The following BARX2 variants were observed in gnomAD, a reference collection of about 807,000 sequenced individuals.
The protein encoded by BARX2 is homeobox protein BarH-like 2.
Under a neutral mutation model 25.5 loss-of-function variants are expected in BARX2, and 11 were observed. The ratio of observed to expected loss-of-function variants is 0.43; its 90% CI spans 0.27 to 0.71. The LOEUF (loss-of-function observed/expected upper bound fraction) is 0.71, where lower values mean the gene tolerates loss of function less well. Among genes scored for constraint, BARX2 ranks in the 30% least tolerant of loss-of-function variants. The probability of loss-of-function intolerance (pLI) is 0.19; values close to 1 mark genes in which losing one functional copy is unlikely to be tolerated. For synonymous variants in BARX2, 137 were observed against 149.5 expected, an observed-to-expected ratio of 0.92 and a Z score of 0.61; for missense variants, 360 against 359.9, an observed-to-expected ratio of 1.00 and a Z score of 0.00.
chr11:129,430,199 T>G (rs1862113587), intron 1 of BARX2, among the ~76,000 whole-genome samples: 1 of 152,186 alleles, frequency 6.6e-6, no homozygotes, highest in Admixed American at 6.6e-5. Flanking sequence ...CTTCATTTCT[T>G]TGGGAATTTA....
chr11:129,442,407 G>A (rs369874214), intron 2 of BARX2, among the ~76,000 whole-genome samples: 22 of 152,312 alleles, frequency 1.4e-4, no homozygotes, highest in African/African-American at 4.3e-4. Context: ...CCTGCCGGAG[G>A]TGGGACCGGG....
intron 1 of BARX2, among the ~76,000 whole-genome samples, chr11:129,420,176 C>G (rs764602307): frequency 2.6e-5 from 4 of 152,066 alleles, no homozygotes; most frequent in Non-Finnish European, 4.4e-5. Flanking sequence ...TCCTTTCCCC[C>G]CTCCTCCTAA....
chr11:129,424,275 C>A (rs1294539215), intron 1 of BARX2, among the ~76,000 whole-genome samples: 1 of 152,216 alleles, frequency 6.6e-6, no homozygotes, highest in Admixed American at 6.5e-5. Flanking sequence ...TTGTGACTGT[C>A]TCTGACACTT....
chr11:129,389,155 G>A (rs1479713005), intron 1 of BARX2, among the ~76,000 whole-genome samples: 3 of 152,182 alleles, frequency 2.0e-5, no homozygotes, highest in Non-Finnish European at 4.4e-5. Context: ...ATGAGATAAT[G>A]TATATAAAAC....
rs574123548 is a variant in BARX2, at chr11:129,418,801, A to G, written c.188-17950A>G. Among the ~76,000 whole-genome samples, 12 of 152,314 alleles carry G rather than the reference A, an allele frequency of 7.9e-5. No homozygotes were observed. The South Asian group carries it at 2.5e-3, about 32-fold the overall frequency. ...TAACACACCCTACAAGGTTTTAACTATGTTGGAATGCACATCAACTGCCTG... is the reference window on the plus strand; with the variant it reads ...TAACACACCCTACAAGGTTTTAACTGTGTTGGAATGCACATCAACTGCCTG... On this transcript the variant is annotated intron_variant, in intron 1 of 3. Coordinates refer to ENST00000281437, the MANE Select transcript of BARX2 (RefSeq NM_003658.5).
upstream of BARX2, among the ~76,000 whole-genome samples, chr11:129,375,637 A>T (rs1234420459): frequency 2.0e-5 from 3 of 151,778 alleles, no homozygotes; most frequent in Non-Finnish European, 4.4e-5. The surrounding 1 kb of genome is among the most constrained non-coding windows in gnomAD (Gnocchi z 4.0). Flanking sequence ...ATAGAGAGCC[A>T]GGCAGAGGAG....
chr11:129,437,371 G>C (rs1025862130), intron 2 of BARX2: 1 of 884,900 alleles, frequency 1.1e-6, no homozygotes, highest in African/African-American at 1.8e-5. Context: ...AAACAGGCTT[G>C]GTTTTTAAGC....
chr11:129,380,613 A>G (rs919043159), intron 1 of BARX2, among the ~76,000 whole-genome samples: 3 of 152,234 alleles, frequency 2.0e-5, no homozygotes, highest in Non-Finnish European at 2.9e-5. Flanking sequence ...TATTTCTGCC[A>G]GAGGCACATA....
At chr11:129,396,148 C>A (rs1565511242) in intron 1 of BARX2, among the ~76,000 whole-genome samples, 1 of 152,160 alleles carries the variant, frequency 6.6e-6, no homozygotes, top group Non-Finnish European at 1.5e-5. Context: ...TTCCTTCCAG[C>A]AAAGACTGTT....
intron 3 of BARX2, among the ~76,000 whole-genome samples, chr11:129,443,561 G>A (rs1165964092): frequency 3.9e-5 from 6 of 152,100 alleles, no homozygotes; most frequent in Non-Finnish European, 8.8e-5. Flanking sequence ...GCCAAGGCTG[G>A]GAATGTGCGT....
At chr11:129,396,724 A>T (rs563264527) in intron 1 of BARX2, among the ~76,000 whole-genome samples, 1 of 152,204 alleles carries the variant, frequency 6.6e-6, no homozygotes, top group African/African-American at 2.4e-5. Flanking sequence ...GGAGTAATAG[A>T]ATATGCTGGA....
chr11:129,375,947 A>T lies in BARX2; in HGVS notation c.-89A>T, dbSNP rs1357443236. 13 of 785,830 alleles carry T rather than the reference A, an allele frequency of 1.7e-5. No homozygotes were observed. In the Admixed American group the frequency reaches 1.8e-4, roughly 11 times the overall value. 48.7% of individuals were successfully genotyped at this position (785,830 alleles called of 1,614,324 possible). On this transcript the variant is annotated 5_prime_UTR_variant, in exon 1 of 4. Coordinates refer to ENST00000281437, the MANE Select transcript of BARX2 (RefSeq NM_003658.5). The surrounding 1 kb of genome is among the most constrained non-coding windows in gnomAD (Gnocchi z 4.0). ...TCCCCAGCTGCCGGGAGCGGGGCCC[A>T]GGCCCCGCCGTCGCGCCAGCCCCGC...
chr11:129,446,987 G>GTAAT (rs1462301279), intron 3 of BARX2, among the ~76,000 whole-genome samples: 2 of 152,130 alleles, frequency 1.3e-5, no homozygotes, highest in East Asian at 3.9e-4. Flanking sequence ...GGGAGGTTGG[G>GTAAT]TAATTGCAAA....
intron 1 of BARX2, among the ~76,000 whole-genome samples, chr11:129,398,199 G>C (rs567896392): frequency 3.3e-5 from 5 of 152,290 alleles, no homozygotes; most frequent in Middle Eastern, 3.4e-3. Flanking sequence ...ACTTACTGTT[G>C]CTCCATACGT....
rs182281717 is a variant in BARX2, at chr11:129,387,177, C to T, written c.187+10955C>T. 4.4e-4 allele frequency among the ~76,000 whole-genome samples: 67 copies of T among 152,332 alleles called. 1 individual carries two copies. The highest frequency in any genetic ancestry group is 1.6e-3 in the African/African-American group (66 of 41,576). ...TTTTGCTTGTGCCTTACTCTTTCGA[C>T]CTCCTGGAACTCTCCAGTGAAACCT... On this transcript the variant is annotated intron_variant, in intron 1 of 3. Coordinates refer to ENST00000281437, the MANE Select transcript of BARX2 (RefSeq NM_003658.5).
At chr11:129,444,741 C>T (rs1412712645) in intron 3 of BARX2, among the ~76,000 whole-genome samples, 3 of 152,156 alleles carry the variant, frequency 2.0e-5, no homozygotes, top group African/African-American at 7.2e-5. Flanking sequence ...GTGGCTCACG[C>T]CTGTAATCCC....
chr11:129,388,221 T>C (rs935862628), intron 1 of BARX2, among the ~76,000 whole-genome samples: 4 of 152,206 alleles, frequency 2.6e-5, no homozygotes, highest in African/African-American at 9.6e-5. Context: ...ACTAATTTAA[T>C]GTGTGCCAGT....
intron 1 of BARX2, among the ~76,000 whole-genome samples, chr11:129,387,295 A>C (rs898874623): frequency 2.0e-5 from 3 of 152,216 alleles, no homozygotes; most frequent in Admixed American, 6.5e-5. Context: ...GTGGGACTAC[A>C]TAAGTCAGAA....
At chr11:129,443,106 T>C (rs986181473) in intron 3 of BARX2, among the ~76,000 whole-genome samples, 187 bp downstream of exon 3, 8 of 151,980 alleles carry the variant, frequency 5.3e-5, no homozygotes, top group African/African-American at 1.9e-4. Context: ...CTGGAGTTCC[T>C]AAACAGAGGG....
Sources: gnomAD v4.1 joint callset for allele counts (sites outside exome capture counted in the v4.1 genomes callset) on GRCh38, gnomAD v4.1.1 for gene constraint, Gnocchi (gnomAD v3.1) non-coding constraint, MANE v1.5 for transcripts, NCBI Gene and HGNC (gene_info 2026-07-23, HGNC 2026-07-21) for gene names.